PCDHA10: variants seen among roughly 807,000 people sequenced by gnomAD.
PCDHA10 encodes protocadherin alpha-10.
In PCDHA10, 45 loss-of-function variants were observed where a neutral mutation model predicts 61.2. The ratio of observed to expected loss-of-function variants is 0.74; its 90% CI spans 0.58 to 0.94. PCDHA10 has a LOEUF of 0.94. PCDHA10 is among the 40% of genes least tolerant of loss of function. The pLI, the probability that PCDHA10 is intolerant of heterozygous loss-of-function variation, is 0.00. For missense variants in PCDHA10, 1,278 were observed against 1,236.2 expected (o/e 1.03, Z -0.51); for synonymous variants, 602 against 548.8 (o/e 1.10, Z -1.35).
rs782065777 is a variant in PCDHA10, at chr5:140,876,365, A to G, written c.2388+17929A>G. Reference sequence around the variant, plus strand: ...AAATGTATGTTTTCAATAAATCCAGACACAGGTGAAATTAGAATTTATGGT... The same window carrying G: ...AAATGTATGTTTTCAATAAATCCAGGCACAGGTGAAATTAGAATTTATGGT... On this transcript the variant is annotated intron_variant, in intron 1 of 3. Coordinates refer to ENST00000307360, the MANE Select transcript of PCDHA10 (RefSeq NM_018901.4). 60 of 1,613,862 alleles carry G rather than the reference A, an allele frequency of 3.7e-5. 2 individuals carry two copies. In the South Asian group the frequency reaches 6.5e-4, roughly 17 times the overall value.
rs782035990 is a variant in PCDHA10 at position 140,871,124 on chromosome 5, C to A, written c.2388+12688C>A. 142 of 1,613,206 alleles carry A rather than the reference C, an allele frequency of 8.8e-5. No individual in the cohort carries two copies. The highest frequency in any genetic ancestry group is 1.2e-4 in the Non-Finnish European group (138 of 1,179,888). Reference sequence around the variant, plus strand: ...GTGTCGTTGGTGGAGAGCGGACAGGCGCCAAAGGCCTCTTCCCGGACTTTG... The same window carrying A: ...GTGTCGTTGGTGGAGAGCGGACAGGAGCCAAAGGCCTCTTCCCGGACTTTG... On this transcript the variant is annotated intron_variant, in intron 1 of 3. Coordinates refer to ENST00000307360, the MANE Select transcript of PCDHA10 (RefSeq NM_018901.4).
rs562713934 is a variant in PCDHA10, at chr5:140,967,172, G to A, written c.2389-11777G>A. 1.1e-5 allele frequency: 17 copies of A among 1,612,080 alleles called. No individual in the cohort carries two copies. The highest frequency in any genetic ancestry group is 2.2e-5 in the East Asian group (1 of 44,778). On this transcript the variant is annotated intron_variant, in intron 1 of 3. Coordinates refer to ENST00000307360, the MANE Select transcript of PCDHA10 (RefSeq NM_018901.4). ...CCCCGTGGCGGTGAGCGCCGTTGAG[G>A]TGGAAATATTGGACATCAACGACAA...
intron 1 of PCDHA10, among the ~76,000 whole-genome samples, chr5:140,940,028 G>C (rs782276273): frequency 3.2e-4 from 48 of 152,048 alleles, no homozygotes; most frequent in Non-Finnish European, 5.4e-4. Context: ...ATGTTTTAAG[G>C]CTATTTTATT....
chr5:140,869,469 G>T, intron 1 of PCDHA10: 1 of 1,614,210 alleles, frequency 6.2e-7, no homozygotes, highest in Non-Finnish European at 8.5e-7. Context: ...TGAACGTGGA[G>T]GTGAAGGACA....
At chr5:140,880,242 G>A (rs549683370) in intron 1 of PCDHA10, among the ~76,000 whole-genome samples, 22 of 150,572 alleles carry the variant, frequency 1.5e-4, no homozygotes, top group Admixed American at 7.2e-4. Context: ...GTGTATGTGC[G>A]TGTGTGTATG....
chr5:140,862,630 C>T (rs138501125), intron 1 of PCDHA10: 7 of 535,352 alleles, frequency 1.3e-5, no homozygotes, highest in Non-Finnish European at 2.7e-5. Flanking sequence ...GCGGGGCTGC[C>T]ACGACTTCAC....
chr5:141,001,478 A>G, intron 3 of PCDHA10, among the ~76,000 whole-genome samples: 1 of 152,236 alleles, frequency 6.6e-6, no homozygotes, highest in Non-Finnish European at 1.5e-5. Context: ...GCAGCGGGGA[A>G]GTGCTGGAAA....
At chr5:140,944,053 A>G (rs246065) in intron 1 of PCDHA10, among the ~76,000 whole-genome samples, 85,768 of 152,016 alleles carry the variant, frequency 0.56, 24,809 homozygotes, top group African/African-American at 0.69. Context: ...TTGGGATACA[A>G]AAAGGTTTCT....
intron 1 of PCDHA10, among the ~76,000 whole-genome samples, chr5:140,964,199 A>G (rs1183847716): frequency 1.3e-5 from 2 of 152,240 alleles, no homozygotes; most frequent in Non-Finnish European, 2.9e-5. Flanking sequence ...AGAGTATACC[A>G]TCTCTTTAGT....
intron 1 of PCDHA10, among the ~76,000 whole-genome samples, chr5:140,932,539 AT>A (rs782246299): frequency 3.3e-5 from 5 of 152,008 alleles, no homozygotes; most frequent in Admixed American, 2.0e-4. Context: ...AAGGTGCTTT[AT>A]TTAACATACA....
intron 1 of PCDHA10, among the ~76,000 whole-genome samples, chr5:140,936,526 C>T (rs183606913): frequency 6.6e-6 from 1 of 152,302 alleles, no homozygotes; most frequent in East Asian, 1.9e-4. Flanking sequence ...CCTGAAATTG[C>T]TTTTGAATAT....
intron 1 of PCDHA10, among the ~76,000 whole-genome samples, chr5:140,879,621 T>G (rs1050176793): frequency 5.9e-5 from 9 of 152,076 alleles, no homozygotes; most frequent in African/African-American, 2.2e-4. Context: ...GGTACTTAGG[T>G]GGGTAAGTGT....
intron 1 of PCDHA10, among the ~76,000 whole-genome samples, chr5:140,913,939 A>G (rs1175115466): frequency 1.3e-5 from 2 of 152,116 alleles, no homozygotes. Flanking sequence ...TCAGAGAAGA[A>G]TCTTGATATG....
intron 1 of PCDHA10, among the ~76,000 whole-genome samples, chr5:140,919,085 T>C (rs2078998041): frequency 1.3e-5 from 2 of 152,368 alleles, no homozygotes; most frequent in East Asian, 3.9e-4. Context: ...GACTATTGAA[T>C]TGTCTATTTC....
At chr5:140,996,795 C>G (rs1554255407) in intron 3 of PCDHA10, among the ~76,000 whole-genome samples, 1 of 152,170 alleles carries the variant, frequency 6.6e-6, no homozygotes, top group East Asian at 1.9e-4. Flanking sequence ...CTCCCTACAT[C>G]CAATCATGCT....
intron 1 of PCDHA10, among the ~76,000 whole-genome samples, chr5:140,953,493 A>G (rs959606912): frequency 8.5e-5 from 13 of 152,108 alleles, no homozygotes; most frequent in Non-Finnish European, 1.5e-5. Flanking sequence ...CACAACCTTG[A>G]TCAGCTATTA....
intron 2 of PCDHA10, among the ~76,000 whole-genome samples, chr5:140,982,082 C>G (rs188673632): frequency 6.6e-6 from 1 of 152,276 alleles, no homozygotes; most frequent in Admixed American, 6.5e-5. Flanking sequence ...AGTAGAGAAC[C>G]TAGGAACAAG....
intron 1 of PCDHA10, among the ~76,000 whole-genome samples, chr5:140,960,011 A>G (rs578052753): frequency 1.2e-4 from 18 of 152,350 alleles, no homozygotes; most frequent in Admixed American, 1.0e-3. Flanking sequence ...TCTATTTTGC[A>G]TCATGATTTT....
At chr5:140,941,202 C>CTTTCTTT (rs1554213921) in intron 1 of PCDHA10, among the ~76,000 whole-genome samples, 7,232 of 122,704 alleles carry the variant, frequency 0.059, 419 homozygotes, top group East Asian at 0.13. Flanking sequence ...TTTCTTTCTT[C>CTTTCTTT]CTTTCTTTCT....
Sources: gnomAD v4.1 joint callset for allele counts (sites outside exome capture counted in the v4.1 genomes callset) on GRCh38, gnomAD v4.1.1 for gene constraint, MANE v1.5 for transcripts, NCBI Gene and HGNC (gene_info 2026-07-23, HGNC 2026-07-21) for gene names.